PALS2: variants seen among roughly 807,000 people sequenced by gnomAD.
PALS2 encodes the protein protein associated with LIN7 2, MAGUK p55 family member, also known as protein PALS2.
A neutral mutation model predicts 61.6 loss-of-function variants in PALS2; 27 were observed. The observed-to-expected ratio is 0.44, with a 90% confidence interval of 0.32 to 0.60. The LOEUF (loss-of-function observed/expected upper bound fraction) is 0.60, where lower values mean the gene tolerates loss of function less well. Among genes scored for constraint, PALS2 ranks in the 20% least tolerant of loss-of-function variants. The probability of loss-of-function intolerance (pLI) is 0.05; values close to 1 mark genes in which losing one functional copy is unlikely to be tolerated. For missense variants in PALS2, 554 were observed against 639.4 expected, an observed-to-expected ratio of 0.87 and a Z score of 1.44; for synonymous variants, 236 against 218.6, an observed-to-expected ratio of 1.08 and a Z score of -0.70.
At position 24,604,086 on chromosome 7, in the gene PALS2, C is replaced by G. The variant is rs190653582; in HGVS notation, c.-2-19580C>G. On this transcript the variant is annotated intron_variant, in intron 1 of 11. Transcript: ENST00000222644. ...ACAGTCTGGGCATTGTGACATGTGCCTGTAGTCCCAGCTACACAGGAGGCT... is the reference window on the plus strand; with the variant it reads ...ACAGTCTGGGCATTGTGACATGTGCGTGTAGTCCCAGCTACACAGGAGGCT... Among the ~76,000 whole-genome samples the G allele has an allele frequency of 4.4e-3, 673 of 151,964 alleles. 2 individuals carry two copies. Among genetic ancestry groups the G allele is most frequent in the Admixed American group, 9.2e-3 (140 of 15,270 alleles).
intron 1 of PALS2, among the ~76,000 whole-genome samples, chr7:24,621,427 AAACTT>A (rs923978497): frequency 6.6e-6 from 1 of 152,122 alleles, no homozygotes; most frequent in African/African-American, 2.4e-5. Context: ...CATTTGGAAA[AAACTT>A]AAGAGTTCCA....
chr7:24,650,576 G>A lies in PALS2; in HGVS notation c.515G>A (p.Gly172Glu), dbSNP rs1278848328. The change falls in exon 5 of 12, where the codon GGA (glycine) becomes GAA (glutamate). Residue 172 changes from glycine to glutamate, a missense_variant. Transcript: ENST00000222644. The part of the protein sequence containing the change: ...MIDRQGLLHV[G>E]DIIKEVNGHE... The stretch of plus-strand genomic sequence containing the variant: ...GATCGACAAGGTCTACTTCATGTGG[G>A]AGATATAATTAAAGAAGTCAATGGC... 4 of 1,613,188 alleles carry A rather than the reference G, an allele frequency of 2.5e-6. No individual in the cohort carries two copies. The highest frequency in any genetic ancestry group is 3.4e-6 in the Non-Finnish European group (4 of 1,179,484).
intron 5 of PALS2, among the ~76,000 whole-genome samples, chr7:24,652,066 G>A (rs1321045035): frequency 6.6e-6 from 1 of 152,152 alleles, no homozygotes; most frequent in East Asian, 1.9e-4. Context: ...CATATCACTA[G>A]TACCTCTCAG....
At chr7:24,601,792 C>T (rs1402644853) in intron 1 of PALS2, among the ~76,000 whole-genome samples, 1 of 152,048 alleles carries the variant, frequency 6.6e-6, no homozygotes, top group African/African-American at 2.4e-5. Flanking sequence ...ATCATTGCAT[C>T]ATCTTCTACC....
At chr7:24,609,170 G>A (rs1201851642) in intron 1 of PALS2, among the ~76,000 whole-genome samples, 1 of 152,146 alleles carries the variant, frequency 6.6e-6, no homozygotes, top group Non-Finnish European at 1.5e-5. Context: ...TAATTGCTGA[G>A]TTTTATTTAT....
intron 5 of PALS2, 22 bp downstream of exon 5, chr7:24,650,734 A>C (rs762340041): frequency 1.4e-6 from 2 of 1,415,772 alleles, no homozygotes; most frequent in Non-Finnish European, 1.9e-6. Context: ...AATTTTTGGT[A>C]GTATTAAAAA....
intron 9 of PALS2, among the ~76,000 whole-genome samples, chr7:24,673,331 T>C (rs1219300961): frequency 1.3e-5 from 2 of 152,194 alleles, no homozygotes; most frequent in Non-Finnish European, 2.9e-5. Context: ...TTTGCATCTA[T>C]ATTTATAAGG....
intron 1 of PALS2, among the ~76,000 whole-genome samples, chr7:24,597,441 A>G (rs970504544): frequency 6.6e-6 from 1 of 152,168 alleles, no homozygotes; most frequent in Non-Finnish European, 1.5e-5. Flanking sequence ...GATAACGCAT[A>G]ATACAGACTA....
In PALS2 at chr7:24,693,083, C is replaced by G. The variant is rs908834249; in HGVS notation, c.*5469C>G. 3.3e-5 allele frequency: 5 copies of G among 151,996 alleles called. No individual in the cohort carries two copies. Among genetic ancestry groups the G allele is most frequent in the African/African-American group, 1.2e-4 (5 of 41,406 alleles). 9.4% of individuals were successfully genotyped at this position (151,996 alleles called of 1,614,324 possible). A position where few individuals can be genotyped will look rare whatever the true frequency, so the allele number is the denominator to read the frequency against. ...GGATAGTTCTCTTCCTTTTTTTCCC[C>G]TCCTACTGGCTCTTACTGTTTTCTA... On this transcript the variant is annotated 3_prime_UTR_variant, in exon 12 of 12. Coordinates refer to ENST00000222644, the MANE Select transcript of PALS2 (RefSeq NM_001303037.2).
rs1554319006 is a variant in PALS2 at position 24,691,444 on chromosome 7, T to TATATAC, written c.*3831_*3832insTATACA. 18 of 134,352 alleles carry TATATAC rather than the reference T, an allele frequency of 1.3e-4. No homozygotes were observed. The highest frequency in any genetic ancestry group is 2.6e-4 in the Non-Finnish European group (16 of 60,676). 8.3% of individuals were successfully genotyped at this position (134,352 alleles called of 1,614,324 possible). A position where few individuals can be genotyped will look rare whatever the true frequency, so the allele number is the denominator to read the frequency against. ...ATATATATATATATATATATATATA[T>TATATAC]ACAGCTATGTGTATAATATGTAAAA... is the stretch of plus-strand genomic sequence containing the variant. On this transcript the variant is annotated 3_prime_UTR_variant, in exon 12 of 12. Transcript: ENST00000222644.
chr7:24,656,430 G>A (rs1376438713), intron 5 of PALS2, among the ~76,000 whole-genome samples: 1 of 152,130 alleles, frequency 6.6e-6, no homozygotes, highest in African/African-American at 2.4e-5. Context: ...AACATAAAGT[G>A]TACAATTTGA....
chr7:24,579,911 T>C (rs552737245), intron 1 of PALS2, among the ~76,000 whole-genome samples: 1 of 152,288 alleles, frequency 6.6e-6, no homozygotes, highest in East Asian at 1.9e-4. Context: ...AGGATATTAT[T>C]AGATATTAGT....
chr7:24,631,204 A>T (rs921691101), intron 2 of PALS2, among the ~76,000 whole-genome samples: 1 of 152,176 alleles, frequency 6.6e-6, no homozygotes, highest in African/African-American at 2.4e-5. Flanking sequence ...CAACATTCAC[A>T]TGAGTTGGGG....
intron 1 of PALS2, among the ~76,000 whole-genome samples, chr7:24,620,880 A>G (rs1355194515): frequency 1.3e-5 from 2 of 152,116 alleles, no homozygotes; most frequent in Non-Finnish European, 2.9e-5. Context: ...TGAGTTGCTA[A>G]TTGTTGGAGC....
At chr7:24,576,429 G>A (rs976435822) in intron 1 of PALS2, among the ~76,000 whole-genome samples, 1 of 152,134 alleles carries the variant, frequency 6.6e-6, no homozygotes, top group Non-Finnish European at 1.5e-5. Context: ...TTGTCAAACT[G>A]CTGGGTAGTG....
chr7:24,648,120 A>G (rs1406664186), intron 3 of PALS2, among the ~76,000 whole-genome samples: 1 of 152,092 alleles, frequency 6.6e-6, no homozygotes, highest in Non-Finnish European at 1.5e-5. Context: ...AAATTGTTTT[A>G]TGAAATGACC....
At chr7:24,577,521 C>T (rs1360855560) in intron 1 of PALS2, among the ~76,000 whole-genome samples, 4 of 152,114 alleles carry the variant, frequency 2.6e-5, no homozygotes, top group Non-Finnish European at 5.9e-5. Flanking sequence ...TTAATCCCTC[C>T]TTCACCAATT....
chr7:24,578,190 A>G (rs1782709392), intron 1 of PALS2, among the ~76,000 whole-genome samples: 1 of 152,056 alleles, frequency 6.6e-6, no homozygotes, highest in African/African-American at 2.4e-5. Context: ...ATCTCAAGGG[A>G]TTCTCTCGCC....
chr7:24,617,493 T>C (rs911650962), intron 1 of PALS2, among the ~76,000 whole-genome samples: 4 of 152,234 alleles, frequency 2.6e-5, no homozygotes, highest in Non-Finnish European at 5.9e-5. Context: ...TCTACACATA[T>C]GGTAGAAAAG....
Sources: allele counts gnomAD v4.1 joint callset (sites outside exome capture counted in the v4.1 genomes callset), GRCh38; gene constraint gnomAD v4.1.1; transcripts MANE v1.5; gene names NCBI Gene and HGNC (gene_info 2026-07-23, HGNC 2026-07-21).